SHLD2: variants seen among roughly 807,000 people sequenced by gnomAD.
The protein encoded by SHLD2 is RINN1-REV7-interacting novel NHEJ regulator 2.
In SHLD2, 30 loss-of-function variants were observed where a neutral mutation model predicts 73.2. That is an observed-to-expected ratio of 0.41 (90% CI 0.31 to 0.56). SHLD2 has a LOEUF of 0.56. SHLD2 is among the 20% of genes least tolerant of loss of function. The probability of loss-of-function intolerance (pLI) is 0.28; values close to 1 mark genes in which losing one functional copy is unlikely to be tolerated. For synonymous variants in SHLD2, 285 were observed against 370.1 expected (o/e 0.77, Z 2.64); for missense variants, 745 against 1,055.9 (o/e 0.71, Z 4.08).
intron 2 of SHLD2, among the ~76,000 whole-genome samples, chr10:87,149,445 A>G (rs1485742693): frequency 6.6e-6 from 1 of 152,044 alleles, no homozygotes; most frequent in African/African-American, 2.4e-5. Context: ...GGGTCTCGCC[A>G]GGCACGGTGG....
intron 2 of SHLD2, among the ~76,000 whole-genome samples, chr10:87,141,456 C>G (rs1481883896): frequency 1.3e-5 from 2 of 151,570 alleles, no homozygotes; most frequent in Non-Finnish European, 2.9e-5. Context: ...ATTCTTTTCC[C>G]TCAGCCTCCC....
In SHLD2 at chr10:87,152,425, G is replaced by A. The variant is rs929887206; in HGVS notation, c.1071G>A (p.Glu357=). 5.6e-6 allele frequency: 9 copies of A among 1,604,124 alleles called. No individual in the cohort carries two copies. Among genetic ancestry groups the A allele is most frequent in the African/African-American group, 1.3e-5 (1 of 74,374 alleles). The part of the protein sequence containing the change: ...DELPPNEIRI[E]LCSSGILCSQ... ...TGCCACCAAATGAGATACGTATTGA[G>A]TTGTGTAGCTCAGGAATACTGTGTT... is the stretch of plus-strand genomic sequence containing the variant. Residue 357 remains glutamate, a synonymous_variant, in exon 3 of 10, where the codon GAG becomes GAA. Coordinates refer to ENST00000298786, the MANE Select transcript of SHLD2 (RefSeq NM_001330112.2).
intron 8 of SHLD2, among the ~76,000 whole-genome samples, chr10:87,184,763 AC>A (rs1052108298): frequency 2.7e-4 from 41 of 150,910 alleles, no homozygotes; most frequent in African/African-American, 9.0e-4. Flanking sequence ...CTTCTGTCTG[AC>A]TCCACAAGGC....
chr10:87,100,777 C>T lies in SHLD2; in HGVS notation c.-6+3788C>T, dbSNP rs184188867. Among the ~76,000 whole-genome samples, 6 of 152,178 alleles carry T rather than the reference C, an allele frequency of 3.9e-5. No individual in the cohort carries two copies. The East Asian group carries it at 5.8e-4, about 15-fold the overall frequency. The stretch of plus-strand genomic sequence containing the variant: ...ACAGGCATGAGCCACTGTGCCAGGC[C>T]GATTACTCTAGCTTTGTAGTAAATT... On this transcript the variant is annotated intron_variant, in intron 2 of 9. Transcript: ENST00000298786.
chr10:87,172,825 T>C (rs974885697), intron 6 of SHLD2, among the ~76,000 whole-genome samples: 1 of 152,092 alleles, frequency 6.6e-6, no homozygotes, highest in Non-Finnish European at 1.5e-5. Flanking sequence ...TATAAGTACA[T>C]ATGTGCATTT....
chr10:87,144,134 A>T (rs1845408944), intron 2 of SHLD2, among the ~76,000 whole-genome samples: 3 of 152,090 alleles, frequency 2.0e-5, no homozygotes, highest in Admixed American at 6.5e-5. Flanking sequence ...AAGTGCTGGG[A>T]TTACAGGCAT....
At chr10:87,173,174 T>C (rs1246361908) in intron 6 of SHLD2, among the ~76,000 whole-genome samples, 1 of 151,514 alleles carries the variant, frequency 6.6e-6, no homozygotes, top group Non-Finnish European at 1.5e-5. Flanking sequence ...ATTACAGGCA[T>C]GTGCCGTCAT....
At chr10:87,150,487 G>A (rs891719456) in intron 2 of SHLD2, among the ~76,000 whole-genome samples, 3 of 151,820 alleles carry the variant, frequency 2.0e-5, no homozygotes, top group African/African-American at 4.8e-5. Context: ...CAGGCCAGGC[G>A]CGGTGGCTCA....
chr10:87,161,553 A>G (rs1846819411), intron 4 of SHLD2, among the ~76,000 whole-genome samples: 2 of 152,210 alleles, frequency 1.3e-5, no homozygotes, highest in South Asian at 2.1e-4. Flanking sequence ...ATAGTTCAAA[A>G]TACAGTTAAC....
chr10:87,100,942 G>C (rs1842228472), intron 2 of SHLD2, among the ~76,000 whole-genome samples: 1 of 152,138 alleles, frequency 6.6e-6, no homozygotes, highest in Non-Finnish European at 1.5e-5. Flanking sequence ...TGAATCTGTA[G>C]ATCAATTTGG....
At position 87,187,121 on chromosome 10, in the gene SHLD2, T is replaced by C. The variant is rs767797224; in HGVS notation, c.2436T>C (p.Asp812=). Residue 812 remains aspartate, a synonymous_variant, in exon 9 of 10, where the codon GAT becomes GAC. Transcript: ENST00000298786. ...TGACTGCCATTGATGGAAGACATGATGTTTGTATCCGTGTAGAATCAAAGC... is the reference window on the plus strand; with the variant it reads ...TGACTGCCATTGATGGAAGACATGACGTTTGTATCCGTGTAGAATCAAAGC... ...ALMTAIDGRH[D]VCIRVESKLI... 3.1e-6 allele frequency: 5 copies of C among 1,613,584 alleles called. No homozygotes were observed. Among genetic ancestry groups the C allele is most frequent in the South Asian group, 2.2e-5 (2 of 91,070 alleles).
intron 2 of SHLD2, among the ~76,000 whole-genome samples, chr10:87,124,390 G>A (rs1284976241): frequency 6.6e-6 from 1 of 151,828 alleles, no homozygotes; most frequent in Admixed American, 6.6e-5. Context: ...ACAAAAATCA[G>A]CTGGGCATGG....
chr10:87,131,843 A>G (rs1458404783), intron 2 of SHLD2, among the ~76,000 whole-genome samples: 2 of 152,238 alleles, frequency 1.3e-5, no homozygotes, highest in African/African-American at 4.8e-5. Context: ...GCAATACACA[A>G]GTGTCCCAAT....
rs563656967 is a variant in SHLD2 at position 87,190,783 on chromosome 10, T to A, written c.*100T>A. ...CAGGGCTTTTGCTTTGGATTTTTTA[T>A]GAAATATATTTTACAAAGAGAATTG... is the stretch of plus-strand genomic sequence containing the variant. On this transcript the variant is annotated 3_prime_UTR_variant, in exon 10 of 10. Transcript: ENST00000298786. 2 of 981,778 alleles carry A rather than the reference T, an allele frequency of 2.0e-6. No homozygotes were observed. The highest frequency in any genetic ancestry group is 1.6e-5 in the African/African-American group (1 of 60,808). 60.8% of individuals were successfully genotyped at this position (981,778 alleles called of 1,614,324 possible).
At chr10:87,124,276 C>T (rs1843828154) in intron 2 of SHLD2, among the ~76,000 whole-genome samples, 1 of 151,850 alleles carries the variant, frequency 6.6e-6, no homozygotes, top group Non-Finnish European at 1.5e-5. Flanking sequence ...GTGGCTCATG[C>T]CTGTAATCCC....
chr10:87,113,516 C>T (rs568300133), intron 2 of SHLD2, among the ~76,000 whole-genome samples: 16 of 152,070 alleles, frequency 1.1e-4, no homozygotes, highest in African/African-American at 2.4e-5. Context: ...AACAGGAAAT[C>T]CATAGAGATA....
Position 87,190,651 on chromosome 10 carries a change from A to G in SHLD2, c.2683A>G (p.Ile895Val), listed in dbSNP as rs141966386. 14 of 1,611,836 alleles carry G rather than the reference A, an allele frequency of 8.7e-6. No homozygotes were observed. The highest frequency in any genetic ancestry group is 1.3e-5 in the African/African-American group (1 of 74,848). The change falls in exon 10 of 10, where the codon ATT (isoleucine) becomes GTT (valine). Residue 895 changes from isoleucine to valine, a missense_variant. By Grantham distance (29) the Ile-to-Val change is conservative. This residue lies in a region of SHLD2 where 418 missense variants were observed against 567.8 expected (regional missense o/e 0.74). Transcript: ENST00000298786. The part of the protein sequence containing the change: ...DFSLLDFYPD[I>V]VKHGANARL ...CTCCCTCCTGGATTTTTATCCTGAC[A>G]TTGTAAAGCATGGAGCCAATGCCCG... is the stretch of plus-strand genomic sequence containing the variant.
chr10:87,157,507 C>G (rs1846517849), intron 3 of SHLD2, among the ~76,000 whole-genome samples: 1 of 152,196 alleles, frequency 6.6e-6, no homozygotes, highest in Non-Finnish European at 1.5e-5. Context: ...ATACAGCTCT[C>G]TCTTTCCAAT....
chr10:87,136,854 C>A (rs1844834488), intron 2 of SHLD2, among the ~76,000 whole-genome samples: 1 of 152,182 alleles, frequency 6.6e-6, no homozygotes. Flanking sequence ...AGATCCCAGA[C>A]CTGCTCAAGT....
Sources: gnomAD v4.1 joint callset for allele counts (sites outside exome capture counted in the v4.1 genomes callset) on GRCh38, gnomAD v4.1.1 for gene constraint, gnomAD v4.1.1 regional missense constraint, MANE v1.5 for transcripts, NCBI Gene and HGNC (gene_info 2026-07-23, HGNC 2026-07-21) for gene names.